Variants in ACAT1 observed in about 807,000 individuals in gnomAD.
ACAT1 encodes the protein acetyl-CoA acetyltransferase, mitochondrial.
A neutral mutation model predicts 47.3 loss-of-function variants in ACAT1; 28 were observed. The observed-to-expected ratio is 0.59, with a 90% CI of 0.44 to 0.81. The LOEUF (loss-of-function observed/expected upper bound fraction) is 0.81. Ranked by LOEUF, ACAT1 falls within the 30% of genes least tolerant of loss-of-function variation. The pLI, the probability that ACAT1 is intolerant of heterozygous loss-of-function variation, is 0.00. For missense variants in ACAT1, 469 were observed against 524.3 expected, an observed-to-expected ratio of 0.89 and a Z score of 1.03; for synonymous variants, 181 against 173.6, an observed-to-expected ratio of 1.04 and a Z score of -0.34.
At chr11:108,121,836 A>G (rs2077156291) in intron 1 of ACAT1, 158 bp downstream of exon 1, 4 of 742,304 alleles carry the variant, frequency 5.4e-6, no homozygotes, top group Non-Finnish European at 8.8e-6. Context: ...AAACCGCCTA[A>G]GTGCTCCGAT....
At position 108,123,141 on chromosome 11, in the gene ACAT1, A is replaced by G. The variant is rs539931871; in HGVS notation, c.72+1463A>G. On this transcript the variant is annotated intron_variant, in intron 1 of 11. Coordinates refer to ENST00000265838, the MANE Select transcript of ACAT1 (RefSeq NM_000019.4). ...TCCCAGCTACTTGGGAGGCTGAGGCAGGAGAATCGCTTGAACCCGGGAGGA... is the reference window on the plus strand; with the variant it reads ...TCCCAGCTACTTGGGAGGCTGAGGCGGGAGAATCGCTTGAACCCGGGAGGA... 3.3e-5 allele frequency among the ~76,000 whole-genome samples: 5 copies of G among 152,268 alleles called. No homozygotes were observed. The East Asian group carries it at 9.7e-4, about 29-fold the overall frequency.
At chr11:108,141,948 C>T (rs899786214) in intron 8 of ACAT1, among the ~76,000 whole-genome samples, 1 of 151,986 alleles carries the variant, frequency 6.6e-6, no homozygotes, top group Non-Finnish European at 1.5e-5. Context: ...ATAGGGTCTT[C>T]ATTGGCATTG....
At chr11:108,138,755 A>G in intron 5 of ACAT1, 143 bp from the exon 6 acceptor site, 1 of 940,822 alleles carries the variant, frequency 1.1e-6, no homozygotes, top group Non-Finnish European at 1.7e-6. Flanking sequence ...GAAGTGGTAA[A>G]GAGGGTACTT....
chr11:108,130,649 C>T (rs963592094), intron 1 of ACAT1, among the ~76,000 whole-genome samples: 2 of 152,066 alleles, frequency 1.3e-5, no homozygotes, highest in African/African-American at 4.8e-5. Context: ...GCCTCGGCCT[C>T]CAAAGTGCTG....
At chr11:108,119,199 CT>C (rs376501004), upstream of ACAT1, among the ~76,000 whole-genome samples, 50 of 147,918 alleles carry the variant, frequency 3.4e-4, no homozygotes, top group East Asian at 1.4e-3. Context: ...TGTAACCAGT[CT>C]TTTTTTTTTT....
At chr11:108,137,072 A>C (rs1030489202) in intron 5 of ACAT1, 14 of 152,228 alleles carry the variant, frequency 9.2e-5, no homozygotes, top group African/African-American at 1.4e-4. Flanking sequence ...AAAGGAGCAT[A>C]GTCTAGTGGG....
chr11:108,118,250 A>G (rs1333538487), upstream of ACAT1, among the ~76,000 whole-genome samples: 1 of 152,214 alleles, frequency 6.6e-6, no homozygotes, highest in Admixed American at 6.5e-5. Flanking sequence ...ACCTGTGTCT[A>G]CCAAAATACT....
At chr11:108,123,411 T>C (rs2077186554) in intron 1 of ACAT1, among the ~76,000 whole-genome samples, 2 of 152,244 alleles carry the variant, frequency 1.3e-5, no homozygotes, top group Admixed American at 1.3e-4. Flanking sequence ...TCCAGTTTTC[T>C]GTGCTATTTT....
chr11:108,140,240 T>A (rs1565293083), intron 7 of ACAT1, 25 bp downstream of exon 7: 1 of 1,613,664 alleles, frequency 6.2e-7, no homozygotes, highest in Admixed American at 1.7e-5. Flanking sequence ...CCAAAAAGGA[T>A]GAATAGACTT....
rs1448410586 is a variant in ACAT1, at chr11:108,147,514, A to G, written c.*124A>G. 3.1e-6 allele frequency: 4 copies of G among 1,271,566 alleles called. No homozygotes were observed. Among genetic ancestry groups the G allele is most frequent in the Non-Finnish European group, 4.4e-6 (4 of 914,262 alleles). The allele number at this position is 1,271,566 out of a possible 1,614,324, so 78.8% of individuals were successfully genotyped here. On this transcript the variant is annotated 3_prime_UTR_variant, in exon 12 of 12. Transcript: ENST00000265838. ...TCATTTTTTATTATTTTCTATGTTAACTTTTAAAAATCAAAATGATGAAAT... is the reference window on the plus strand; with the variant it reads ...TCATTTTTTATTATTTTCTATGTTAGCTTTTAAAAATCAAAATGATGAAAT...
At chr11:108,129,118 T>C (rs2077306507) in intron 1 of ACAT1, 1 of 152,170 alleles carries the variant, frequency 6.6e-6, no homozygotes, top group Admixed American at 6.5e-5. Context: ...CTCCCACTTA[T>C]GAGTGAGAAC....
rs539638258 is a variant in ACAT1, at chr11:108,136,356, T to C, written c.435+1114T>C. 51 of 361,046 alleles carry C rather than the reference T, an allele frequency of 1.4e-4. 1 individual carries two copies. In the South Asian group the frequency reaches 3.1e-3, roughly 22 times the overall value. The allele number at this position is 361,046 out of a possible 1,614,324, so 22.4% of individuals were successfully genotyped here. On this transcript the variant is annotated intron_variant, in intron 5 of 11. Transcript: ENST00000265838. Reference sequence around the variant, plus strand: ...AATGCTGAGTCAGGATTTGAACATTTTGGTATTTGCAAATGCTTTCCATAA... The same window carrying C: ...AATGCTGAGTCAGGATTTGAACATTCTGGTATTTGCAAATGCTTTCCATAA...
intron 5 of ACAT1, chr11:108,136,074 A>G: frequency 4.3e-6 from 3 of 691,236 alleles, no homozygotes; most frequent in Non-Finnish European, 7.8e-6. Context: ...CTTGAGATCA[A>G]GCAAGAGACA....
Position 108,138,994 on chromosome 11 carries a change from T to G in ACAT1, c.532T>G (p.Leu178Val). 1 of 1,614,168 alleles carries G rather than the reference T, an allele frequency of 6.2e-7. No individual in the cohort carries two copies. The highest frequency in any genetic ancestry group is 8.5e-7 in the Non-Finnish European group (1 of 1,180,024). The change falls in exon 6 of 12, where the codon TTG (leucine) becomes GTG (valine). Residue 178 changes from leucine to valine, a missense_variant. Coordinates refer to ENST00000265838, the MANE Select transcript of ACAT1 (RefSeq NM_000019.4). ...TPYGGVKLEDLIVKDGLTDVY... is the reference protein window; with the variant it reads ...TPYGGVKLEDVIVKDGLTDVY... ...ATATGGTGGGGTAAAGCTTGAAGAT[T>G]TGATTGTAAAAGACGGGCTAACTGA...
At chr11:108,140,268 T>C in intron 7 of ACAT1, 53 bp downstream of exon 7, 1 of 1,604,564 alleles carries the variant, frequency 6.2e-7, no homozygotes, top group Non-Finnish European at 8.5e-7. Context: ...TGCTGAATGT[T>C]TTATGCTTAA....
upstream of ACAT1, among the ~76,000 whole-genome samples, chr11:108,120,865 C>A (rs1287784209): frequency 2.6e-5 from 4 of 151,534 alleles, no homozygotes; most frequent in African/African-American, 9.7e-5. Context: ...CAGCAACCAG[C>A]CTAGGCAACA....
chr11:108,122,207 C>T (rs1395217763), intron 1 of ACAT1, among the ~76,000 whole-genome samples: 2 of 152,220 alleles, frequency 1.3e-5, no homozygotes, highest in South Asian at 2.1e-4. Flanking sequence ...CAAATGACTA[C>T]TCAGATAATA....
intron 2 of ACAT1, among the ~76,000 whole-genome samples, chr11:108,132,872 A>AG (rs1271961493): frequency 2.1e-5 from 3 of 145,838 alleles, no homozygotes; most frequent in East Asian, 2.1e-4. Context: ...AAAAAAAAAA[A>AG]AAAAAAAAAG....
chr11:108,147,318 A>T lies in ACAT1; in HGVS notation c.1212A>T (p.Gln404His). The T allele has an allele frequency of 6.2e-7, 1 of 1,614,032 alleles. No individual in the cohort carries two copies. The highest frequency in any genetic ancestry group is 8.5e-7 in the Non-Finnish European group (1 of 1,179,944). Residue 404 changes from glutamine to histidine, a missense_variant, in exon 12 of 12, where the codon CAA (glutamine) becomes CAT (histidine). By Grantham distance (24) the Gln-to-His change is conservative. Coordinates refer to ENST00000265838, the MANE Select transcript of ACAT1 (RefSeq NM_000019.4). ...IVGHLTHALK[Q>H]GEYGLASICN... ...GTCATTTGACTCATGCCTTGAAGCAAGGAGAATACGGTCTTGCCAGTATTT... is the reference window on the plus strand; with the variant it reads ...GTCATTTGACTCATGCCTTGAAGCATGGAGAATACGGTCTTGCCAGTATTT...
Sources: allele counts gnomAD v4.1 joint callset (sites outside exome capture counted in the v4.1 genomes callset), GRCh38; gene constraint gnomAD v4.1.1; transcripts MANE v1.5; gene names NCBI Gene and HGNC (gene_info 2026-07-23, HGNC 2026-07-21).